ANKS4B: variants seen among roughly 807,000 people sequenced by gnomAD.
ANKS4B encodes the protein ankyrin repeat and SAM domain-containing protein 4B.
ANKS4B carries 21 observed loss-of-function variants against 20.2 expected under a neutral mutation model. The ratio of observed to expected loss-of-function variants is 1.04; its 90% CI spans 0.74 to 1.50. The LOEUF is 1.50. ANKS4B is among the 40% of genes most tolerant of loss of function. The pLI, the probability that ANKS4B is intolerant of heterozygous loss-of-function variation, is 0.00. For missense variants in ANKS4B, 473 were observed against 494.6 expected (o/e 0.96, Z 0.41); for synonymous variants, 179 against 194.5 (o/e 0.92, Z 0.66).
chr16:21,249,699 ACATG>A, intron 1 of ANKS4B, 28 bp from the exon 2 acceptor site: 1 of 1,551,012 alleles, frequency 6.4e-7, no homozygotes, highest in Non-Finnish European at 8.7e-7. Context: ...AAAAAGTCCA[ACATG>A]TATTTTTTTT....
intron 1 of ANKS4B, among the ~76,000 whole-genome samples, chr16:21,239,940 C>A (rs2093324464): frequency 6.6e-6 from 1 of 152,066 alleles, no homozygotes; most frequent in Admixed American, 6.5e-5. Flanking sequence ...TATAACAAAC[C>A]TGCACATGTA....
intron 1 of ANKS4B, among the ~76,000 whole-genome samples, chr16:21,248,694 G>A (rs1471895662): frequency 6.6e-6 from 1 of 151,932 alleles, no homozygotes; most frequent in East Asian, 1.9e-4. Flanking sequence ...TTGCACCACT[G>A]CACTCCAGCC....
chr16:21,250,956 G>A lies in ANKS4B; in HGVS notation c.*136G>A. 1 of 1,277,630 alleles carries A rather than the reference G, an allele frequency of 7.8e-7. No individual in the cohort carries two copies. The highest frequency in any genetic ancestry group is 1.1e-6 in the Non-Finnish European group (1 of 943,916). 79.1% of individuals were successfully genotyped at this position (1,277,630 alleles called of 1,614,324 possible). A position where few individuals can be genotyped will look rare whatever the true frequency, so the allele number is the denominator to read the frequency against. ...ATCGGAAATGCCTACCTGAGAGAGA[G>A]ACCCAAACTTTACTCTGGGAGGTAG... is the stretch of plus-strand genomic sequence containing the variant. On this transcript the variant is annotated 3_prime_UTR_variant, in exon 2 of 2. Transcript: ENST00000311620.
At chr16:21,247,514 A>G (rs1230614067) in intron 1 of ANKS4B, among the ~76,000 whole-genome samples, 3 of 152,188 alleles carry the variant, frequency 2.0e-5, no homozygotes, top group Non-Finnish European at 2.9e-5. Context: ...CTTCTCGGGA[A>G]TGTTAAGAGG....
Position 21,249,998 on chromosome 16 carries a change from G to A in ANKS4B, c.432G>A (p.Arg144=), listed in dbSNP as rs1388419186. ...AGGAGCAGGCTCAGAAGAATGCCAG[G>A]AGGCAGATCAAAGAGTGTGAGAGGC... ...RLKEQAQKNA[R]RQIKECERLQ... The change falls in exon 2 of 2, where the codon AGG becomes AGA. Residue 144 remains arginine (R), a synonymous_variant. Transcript: ENST00000311620. 1.2e-6 allele frequency: 2 copies of A among 1,614,090 alleles called. No individual in the cohort carries two copies. The highest frequency in any genetic ancestry group is 1.7e-6 in the Non-Finnish European group (2 of 1,180,044).
intron 1 of ANKS4B, among the ~76,000 whole-genome samples, chr16:21,249,182 C>G (rs1051845438): frequency 2.0e-5 from 3 of 152,154 alleles, no homozygotes; most frequent in Non-Finnish European, 4.4e-5. Flanking sequence ...AAGTTTTTCT[C>G]ACTTCTAAAA....
At chr16:21,245,952 T>C (rs2093331786) in intron 1 of ANKS4B, among the ~76,000 whole-genome samples, 1 of 152,256 alleles carries the variant, frequency 6.6e-6, no homozygotes, top group Non-Finnish European at 1.5e-5. Flanking sequence ...TAGATTAATT[T>C]ATTTAATTCA....
intron 1 of ANKS4B, among the ~76,000 whole-genome samples, chr16:21,234,179 T>C (rs2093317319): frequency 1.3e-5 from 2 of 152,174 alleles, no homozygotes; most frequent in African/African-American, 4.8e-5. Flanking sequence ...GATATTTTAA[T>C]TCTATGCCTT....
intron 1 of ANKS4B, among the ~76,000 whole-genome samples, chr16:21,241,436 T>C (rs943383231): frequency 2.0e-5 from 3 of 152,030 alleles, no homozygotes; most frequent in Non-Finnish European, 4.4e-5. Context: ...GTTTTTGAGA[T>C]GGACTCTCGC....
At position 21,250,381 on chromosome 16, in the gene ANKS4B, G is replaced by A; in HGVS notation, c.815G>A (p.Gly272Glu). Reference protein sequence around the residue: ...HESILNRPGLGSIVFRRNRIS... With the variant: ...HESILNRPGLESIVFRRNRIS... ...TCCATTCTCAATCGTCCAGGTCTAG[G>A]AAGTATTGTTTTTAGAAGGAACAGG... The change falls in exon 2 of 2, where the codon GGA becomes GAA. Residue 272 changes from glycine to glutamate, a missense_variant. By Grantham distance (98) the Gly-to-Glu change is moderately conservative (BLOSUM62 -2). Transcript: ENST00000311620. 6.2e-7 allele frequency: 1 copy of A among 1,614,182 alleles called. No individual in the cohort carries two copies. The highest frequency in any genetic ancestry group is 8.5e-7 in the Non-Finnish European group (1 of 1,180,044).
Position 21,250,270 on chromosome 16 carries a change from G to A in ANKS4B, c.704G>A (p.Arg235Lys), listed in dbSNP as rs756469922. Residue 235 changes from arginine (R) to lysine (K), a missense_variant, in exon 2 of 2, where the codon AGA (arginine) becomes AAA (lysine). Transcript: ENST00000311620. ...CAGAGGAACGTGATGGAAGTGTTCA[G>A]AGAGGAAGAGGAAGACTCGTTCTCA... is the stretch of plus-strand genomic sequence containing the variant. ...SGQRNVMEVF[R>K]EEEEDSFSGD... 6.2e-7 allele frequency: 1 copy of A among 1,614,214 alleles called. No homozygotes were observed. The highest frequency in any genetic ancestry group is 8.5e-7 in the Non-Finnish European group (1 of 1,180,044).
At chr16:21,245,112 T>C (rs1405394593) in intron 1 of ANKS4B, among the ~76,000 whole-genome samples, 1 of 152,210 alleles carries the variant, frequency 6.6e-6, no homozygotes, top group East Asian at 1.9e-4. Context: ...TTCTTTTAAA[T>C]TTGAGCCAAC....
At chr16:21,248,463 C>G (rs892735031) in intron 1 of ANKS4B, among the ~76,000 whole-genome samples, 2 of 151,894 alleles carry the variant, frequency 1.3e-5, no homozygotes, top group Non-Finnish European at 2.9e-5. Flanking sequence ...GGCGTGGTGG[C>G]TCACAACTGT....
At chr16:21,241,906 A>G (rs2093326982) in intron 1 of ANKS4B, among the ~76,000 whole-genome samples, 1 of 152,160 alleles carries the variant, frequency 6.6e-6, no homozygotes, top group African/African-American at 2.4e-5. Flanking sequence ...GTTATTAACT[A>G]TAGCCATTGA....
rs2093337444 is a variant in ANKS4B at position 21,250,278 on chromosome 16, G to A, written c.712G>A (p.Glu238Lys). The A allele has an allele frequency of 1.2e-6, 2 of 1,614,232 alleles. No individual in the cohort carries two copies. The highest frequency in any genetic ancestry group is 1.7e-6 in the Non-Finnish European group (2 of 1,180,048). Residue 238 changes from glutamate to lysine, a missense_variant, in exon 2 of 2, where the codon GAG becomes AAG. Transcript: ENST00000311620. ...CGTGATGGAAGTGTTCAGAGAGGAA[G>A]AGGAAGACTCGTTCTCAGGGGACTT... ...RNVMEVFREE[E>K]EDSFSGDFKE...
chr16:21,250,956 GACCCA>G lies in ANKS4B; in HGVS notation c.*138_*142del, dbSNP rs1247767392. On this transcript the variant is annotated 3_prime_UTR_variant, in exon 2 of 2. Transcript: ENST00000311620. ...ATCGGAAATGCCTACCTGAGAGAGA[GACCCA>G]AACTTTACTCTGGGAGGTAGGCTAT... 2 of 1,277,630 alleles carry G rather than the reference GACCCA, an allele frequency of 1.6e-6. No individual in the cohort carries two copies. Among genetic ancestry groups the G allele is most frequent in the Non-Finnish European group, 2.1e-6 (2 of 943,916 alleles). 79.1% of individuals were successfully genotyped at this position (1,277,630 alleles called of 1,614,324 possible). A position where few individuals can be genotyped will look rare whatever the true frequency, so the allele number is the denominator to read the frequency against.
At chr16:21,239,912 G>A (rs982502866) in intron 1 of ANKS4B, among the ~76,000 whole-genome samples, 3 of 152,006 alleles carry the variant, frequency 2.0e-5, no homozygotes, top group Non-Finnish European at 4.4e-5. Context: ...ACAAACACTC[G>A]TGATATGAGT....
Position 21,252,912 on chromosome 16 carries a change from T to A in ANKS4B, c.*2092T>A, listed in dbSNP as rs2093341311. ...GGTGGCGTGTGCCTGTAATCCCAGCTACTTGGGAGGCTGAGGCAAGAGAAT... is the reference window on the plus strand; with the variant it reads ...GGTGGCGTGTGCCTGTAATCCCAGCAACTTGGGAGGCTGAGGCAAGAGAAT... On this transcript the variant is annotated 3_prime_UTR_variant, in exon 2 of 2. Coordinates refer to ENST00000311620, the MANE Select transcript of ANKS4B (RefSeq NM_145865.3). 6.6e-6 allele frequency: 1 copy of A among 150,566 alleles called. No homozygotes were observed. Among genetic ancestry groups the A allele is most frequent in the Non-Finnish European group, 1.5e-5 (1 of 67,952 alleles). The allele number at this position is 150,566 out of a possible 1,614,324, so 9.3% of individuals were successfully genotyped here. A position where few individuals can be genotyped will look rare whatever the true frequency, so the allele number is the denominator to read the frequency against.
rs566667020 is a variant in ANKS4B, at chr16:21,234,001, C to G, written c.164+100C>G. 6.1e-5 allele frequency: 70 copies of G among 1,154,922 alleles called. No individual in the cohort carries two copies. The East Asian group carries it at 1.1e-3, about 18-fold the overall frequency. The allele number at this position is 1,154,922 out of a possible 1,614,324, so 71.5% of individuals were successfully genotyped here. On this transcript the variant is annotated intron_variant, in intron 1 of 1. Coordinates refer to ENST00000311620, the MANE Select transcript of ANKS4B (RefSeq NM_145865.3). ...GACGTCAATACAAATACTTTATCCT[C>G]TTTCTAGATTGTCTAAATGATTGGA...
Sources: allele counts gnomAD v4.1 joint callset (sites outside exome capture counted in the v4.1 genomes callset), GRCh38; gene constraint gnomAD v4.1.1; transcripts MANE v1.5; gene names NCBI Gene and HGNC (gene_info 2026-07-23, HGNC 2026-07-21).